GATAD1: variants seen among roughly 807,000 people sequenced by gnomAD.
The protein encoded by GATAD1 is GATA zinc finger domain-containing protein 1.
A neutral mutation model predicts 26.5 loss-of-function variants in GATAD1; 12 were observed. That is an observed-to-expected ratio of 0.45 (90% CI 0.29 to 0.73). The LOEUF is 0.73. Ranked by LOEUF, GATAD1 falls within the 30% of genes least tolerant of loss-of-function variation. GATAD1 has a pLI of 0.10. For missense variants in GATAD1, 266 were observed against 342.1 expected (o/e 0.78, Z 1.75); for synonymous variants, 129 against 133.1 (o/e 0.97, Z 0.21).
chr7:92,492,775 T>G, the GATAD1 span, among the ~76,000 whole-genome samples: 2 of 152,218 alleles, frequency 1.3e-5, no homozygotes, highest in East Asian at 3.8e-4. Context: ...TTCATAATTA[T>G]AAATTCTCTG....
the GATAD1 span, chr7:92,491,335 C>T: frequency 6.2e-7 from 1 of 1,614,000 alleles, no homozygotes; most frequent in Non-Finnish European, 8.5e-7. Context: ...AGAGCCGGTA[C>T]ATATTGAATT....
the GATAD1 span, chr7:92,472,831 G>C: frequency 2.1e-4 from 32 of 152,356 alleles, no homozygotes; most frequent in Non-Finnish European, 3.4e-4. Context: ...GCTGTGAGCA[G>C]AGTTGAGCCT....
intron 3 of GATAD1, chr7:92,453,915 A>G (rs1035182038): frequency 6.5e-6 from 1 of 153,186 alleles, no homozygotes; most frequent in Non-Finnish European, 1.5e-5. Context: ...CGGTGAAACT[A>G]TTAATACTCT....
At chr7:92,463,892 C>A (rs1790013101), downstream of GATAD1, among the ~76,000 whole-genome samples, 1 of 148,502 alleles carries the variant, frequency 6.7e-6, no homozygotes, top group South Asian at 2.2e-4. Flanking sequence ...TGCTTGAACC[C>A]AGGAGGCAGA....
chr7:92,453,960 T>C (rs964146588), intron 3 of GATAD1: 1 of 162,578 alleles, frequency 6.2e-6, no homozygotes, highest in African/African-American at 2.4e-5. Flanking sequence ...GTACATGTCA[T>C]TATACATTTG....
the GATAD1 span, chr7:92,471,929 T>G: frequency 6.6e-6 from 1 of 152,366 alleles, no homozygotes; most frequent in East Asian, 1.9e-4. Flanking sequence ...TGAGGGCTAT[T>G]AGTTCTGCTA....
At chr7:92,485,336 A>G in the GATAD1 span, among the ~76,000 whole-genome samples, 2 of 152,182 alleles carry the variant, frequency 1.3e-5, no homozygotes, top group Non-Finnish European at 2.9e-5. Flanking sequence ...CATTGGAGCC[A>G]TATCATTTGT....
chr7:92,451,894 G>C (rs1789449219), intron 3 of GATAD1, among the ~76,000 whole-genome samples: 2 of 152,218 alleles, frequency 1.3e-5, no homozygotes, highest in South Asian at 4.1e-4. Flanking sequence ...ACAAGTCATG[G>C]AGTGAGGCAG....
chr7:92,492,335 G>C, the GATAD1 span, among the ~76,000 whole-genome samples: 1 of 152,138 alleles, frequency 6.6e-6, no homozygotes, highest in Non-Finnish European at 1.5e-5. Flanking sequence ...ACAGAGACAA[G>C]ATCCCACTCT....
At chr7:92,455,555 C>CA (rs1491364823) in intron 4 of GATAD1, among the ~76,000 whole-genome samples, 2 of 152,062 alleles carry the variant, frequency 1.3e-5, no homozygotes, top group Admixed American at 1.3e-4. Flanking sequence ...GAGATAGACT[C>CA]ACAAGAATTT....
chr7:92,447,653 C>A lies in GATAD1; in HGVS notation c.-77C>A. The A allele has an allele frequency of 2.3e-6, 3 of 1,323,256 alleles. No individual in the cohort carries two copies. Among genetic ancestry groups the A allele is most frequent in the Non-Finnish European group, 1.9e-6 (2 of 1,034,236 alleles). 82.0% of individuals were successfully genotyped at this position (1,323,256 alleles called of 1,614,324 possible). On this transcript the variant is annotated 5_prime_UTR_variant, in exon 1 of 5. Transcript: ENST00000287957. ...TCTTCCTATCGCCGGGAGTGGCGGG[C>A]CGACCAGGGGGCGGCCGGGCTACCG... is the stretch of plus-strand genomic sequence containing the variant.
downstream of GATAD1, among the ~76,000 whole-genome samples, chr7:92,460,649 C>T (rs1309979553): frequency 1.3e-5 from 2 of 151,718 alleles, no homozygotes; most frequent in Non-Finnish European, 2.9e-5. Flanking sequence ...TGGAAGGAGC[C>T]CAGGCACAGT....
At chr7:92,494,685 G>C in the GATAD1 span, 8 of 1,422,960 alleles carry the variant, frequency 5.6e-6, no homozygotes, top group Non-Finnish European at 7.9e-6. Flanking sequence ...TTGGCAAAGT[G>C]ATTTCATATA....
the GATAD1 span, chr7:92,489,468 A>T: frequency 7.0e-7 from 1 of 1,434,204 alleles, no homozygotes; most frequent in Non-Finnish European, 9.7e-7. Flanking sequence ...TTAAGGATGT[A>T]AAAAAAAATG....
At chr7:92,464,890 A>C (rs1359593334), downstream of GATAD1, among the ~76,000 whole-genome samples, 1 of 152,224 alleles carries the variant, frequency 6.6e-6, no homozygotes, top group East Asian at 1.9e-4. Flanking sequence ...AGGAGCTTCC[A>C]AAGAGTTCAT....
At chr7:92,467,937 A>T in the GATAD1 span, among the ~76,000 whole-genome samples, 3 of 152,148 alleles carry the variant, frequency 2.0e-5, no homozygotes, top group Non-Finnish European at 4.4e-5. Flanking sequence ...TTGCTCTACC[A>T]TTAGTGGCCC....
intron 4 of GATAD1, 63 bp from the exon 5 acceptor site, chr7:92,456,309 A>T (rs1585173146): frequency 1.8e-6 from 2 of 1,128,380 alleles, no homozygotes; most frequent in Admixed American, 4.4e-5. Context: ...AAATTTTAAC[A>T]TCTTATGAAA....
the GATAD1 span, among the ~76,000 whole-genome samples, chr7:92,483,885 A>T: frequency 2.0e-5 from 3 of 151,984 alleles, no homozygotes; most frequent in Non-Finnish European, 2.9e-5. Flanking sequence ...CAGCCTGGGG[A>T]GGAGGGGAGA....
At chr7:92,484,175 G>A in the GATAD1 span, among the ~76,000 whole-genome samples, 1,870 of 152,226 alleles carry the variant, frequency 0.012, 41 homozygotes, top group African/African-American at 0.043. Context: ...CTGCAGCCAC[G>A]CAGTGTTGCA....
Sources: gnomAD v4.1 joint callset for allele counts (sites outside exome capture counted in the v4.1 genomes callset) on GRCh38, gnomAD v4.1.1 for gene constraint, MANE v1.5 for transcripts, NCBI Gene and HGNC (gene_info 2026-07-23, HGNC 2026-07-21) for gene names.